Variants in SETD3 observed in about 807,000 individuals in gnomAD.
The protein encoded by SETD3 is actin-histidine N-methyltransferase.
In SETD3, 19 loss-of-function variants were observed where a neutral mutation model predicts 63.0. That is an observed-to-expected ratio of 0.30 (90% CI 0.21 to 0.44). SETD3 has a LOEUF of 0.44. Among genes scored for constraint, SETD3 ranks in the 20% least tolerant of loss-of-function variants. SETD3 has a pLI of 1.00. For missense variants in SETD3, 587 were observed against 728.5 expected (o/e 0.81, Z 2.24); for synonymous variants, 286 against 264.1 (o/e 1.08, Z -0.80).
chr14:99,437,431 G>A (rs1294120725), intron 6 of SETD3, among the ~76,000 whole-genome samples: 1 of 152,146 alleles, frequency 6.6e-6, no homozygotes, highest in Non-Finnish European at 1.5e-5. Flanking sequence ...CTGCCTCTGG[G>A]CTACTCCGCC....
rs114985335 is a variant in SETD3 at position 99,459,899 on chromosome 14, T to C, written c.346-714A>G. 4.0e-3 allele frequency among the ~76,000 whole-genome samples: 616 copies of C among 152,336 alleles called. 1 individual carries two copies. The highest frequency in any genetic ancestry group is 0.014 in the African/African-American group (583 of 41,570). ...AGACCATGCCAGCACCCTGAGATCT[T>C]GGACATTCAGCCTCCAAATTGTGAG... On this transcript the variant is annotated intron_variant, in intron 4 of 12. Transcript: ENST00000331768.
upstream of SETD3, among the ~76,000 whole-genome samples, chr14:99,485,428 T>C (rs1309357224): frequency 2.0e-5 from 3 of 152,210 alleles, no homozygotes; most frequent in East Asian, 5.8e-4. Flanking sequence ...TAAAAGATTA[T>C]TTAAAAATAT....
At chr14:99,453,684 G>C (rs1199976595) in intron 6 of SETD3, among the ~76,000 whole-genome samples, 1 of 152,006 alleles carries the variant, frequency 6.6e-6, no homozygotes, top group Non-Finnish European at 1.5e-5. Context: ...AAATTAGCTG[G>C]GCGTGGTGGT....
intron 6 of SETD3, among the ~76,000 whole-genome samples, chr14:99,428,639 C>T (rs1315999572): frequency 6.6e-6 from 1 of 151,916 alleles, no homozygotes; most frequent in Non-Finnish European, 1.5e-5. Context: ...AGTAAGTCCC[C>T]GTCTCAAGAA....
intron 6 of SETD3, among the ~76,000 whole-genome samples, chr14:99,442,720 A>G (rs1251125413): frequency 6.6e-6 from 1 of 152,234 alleles, no homozygotes; most frequent in African/African-American, 2.4e-5. Context: ...ATATGTGTTA[A>G]TCAACTGTTT....
At chr14:99,432,348 A>C (rs568104958) in intron 6 of SETD3, among the ~76,000 whole-genome samples, 1 of 152,344 alleles carries the variant, frequency 6.6e-6, no homozygotes, top group South Asian at 2.1e-4. Flanking sequence ...CTTCATTACA[A>C]TTCTAATCTG....
At chr14:99,418,433 T>G (rs1892395361) in intron 6 of SETD3, among the ~76,000 whole-genome samples, 1 of 152,170 alleles carries the variant, frequency 6.6e-6, no homozygotes, top group South Asian at 2.1e-4. Flanking sequence ...GGTTTCATTT[T>G]CCTTCCTTCT....
At chr14:99,475,361 CAG>C (rs1895917970) in intron 1 of SETD3, among the ~76,000 whole-genome samples, 1 of 152,236 alleles carries the variant, frequency 6.6e-6, no homozygotes, top group Non-Finnish European at 1.5e-5. Flanking sequence ...ACAGGCAGGA[CAG>C]AGAGAGCGTG....
intron 2 of SETD3, among the ~76,000 whole-genome samples, chr14:99,464,308 C>G (rs1217556337): frequency 6.6e-6 from 1 of 152,254 alleles, no homozygotes; most frequent in Admixed American, 6.5e-5. Context: ...TTCCCACACT[C>G]CTGCTTAACC....
At chr14:99,405,779 G>A (rs1299235860) in intron 9 of SETD3, among the ~76,000 whole-genome samples, 2 of 152,130 alleles carry the variant, frequency 1.3e-5, no homozygotes, top group African/African-American at 4.8e-5. Context: ...ATACAGCAGG[G>A]TCTCTTCTGG....
chr14:99,477,482 C>T (rs1446071744), intron 1 of SETD3, among the ~76,000 whole-genome samples: 1 of 151,976 alleles, frequency 6.6e-6, no homozygotes, highest in African/African-American at 2.4e-5. Context: ...CAGCCCAGTG[C>T]GGTGGCTCAC....
At chr14:99,404,563 G>A (rs867100172) in intron 10 of SETD3, among the ~76,000 whole-genome samples, 1 of 152,228 alleles carries the variant, frequency 6.6e-6, no homozygotes, top group Admixed American at 6.5e-5. Context: ...CCTAACAGCT[G>A]TAATCTCAGG....
intron 6 of SETD3, among the ~76,000 whole-genome samples, chr14:99,432,924 A>G (rs1190842369): frequency 6.6e-6 from 1 of 152,230 alleles, no homozygotes; most frequent in African/African-American, 2.4e-5. Context: ...GAGTTCTTAT[A>G]AAGGACACAA....
intron 6 of SETD3, among the ~76,000 whole-genome samples, chr14:99,449,270 T>C (rs560552696): frequency 2.0e-5 from 3 of 152,306 alleles, no homozygotes; most frequent in East Asian, 1.9e-4. Context: ...CCAGTATCTA[T>C]CAGGTTTTTG....
At chr14:99,431,474 G>A (rs1893174784) in intron 6 of SETD3, among the ~76,000 whole-genome samples, 1 of 152,198 alleles carries the variant, frequency 6.6e-6, no homozygotes, top group South Asian at 2.1e-4. Flanking sequence ...GCCTAAAATA[G>A]CAACATGCAT....
chr14:99,427,777 G>C (rs1203259203), intron 6 of SETD3, among the ~76,000 whole-genome samples: 1 of 152,212 alleles, frequency 6.6e-6, no homozygotes, highest in African/African-American at 2.4e-5. Flanking sequence ...CTTTGGAGCA[G>C]GGAGCCCAGA....
intron 3 of SETD3, among the ~76,000 whole-genome samples, chr14:99,461,892 A>C (rs1895082699): frequency 1.3e-5 from 2 of 152,278 alleles, no homozygotes; most frequent in Non-Finnish European, 2.9e-5. Flanking sequence ...CATAAGTATA[A>C]CACTAAATGT....
intron 6 of SETD3, among the ~76,000 whole-genome samples, chr14:99,437,956 T>C (rs1893583198): frequency 6.6e-6 from 1 of 152,218 alleles, no homozygotes; most frequent in African/African-American, 2.4e-5. Context: ...GCCAACCTCC[T>C]TCTGGTTCCA....
intron 6 of SETD3, among the ~76,000 whole-genome samples, chr14:99,451,551 G>T (rs868727197): frequency 2.6e-5 from 4 of 152,160 alleles, no homozygotes; most frequent in Middle Eastern, 3.4e-3. Flanking sequence ...TTAGGGTTAG[G>T]GGTGGAGTAC....
Sources: allele counts gnomAD v4.1 joint callset (sites outside exome capture counted in the v4.1 genomes callset), GRCh38; gene constraint gnomAD v4.1.1; transcripts MANE v1.5; gene names NCBI Gene and HGNC (gene_info 2026-07-23, HGNC 2026-07-21).